The following MLLT3 variants were observed in gnomAD, a reference collection of about 807,000 sequenced individuals.
MLLT3 encodes MLLT3 super elongation complex subunit, also known as protein AF-9.
MLLT3 carries 4 observed loss-of-function variants against 53.2 expected under a neutral mutation model. The observed-to-expected ratio is 0.08, with a 90% CI of 0.04 to 0.17. The LOEUF (loss-of-function observed/expected upper bound fraction) is 0.17. Ranked by LOEUF, MLLT3 falls within the 10% of genes least tolerant of loss-of-function variation. The pLI, the probability that MLLT3 is intolerant of heterozygous loss-of-function variation, is 1.00. For synonymous variants in MLLT3, 283 were observed against 230.6 expected, an observed-to-expected ratio of 1.23 and a Z score of -2.06; for missense variants, 569 against 684.0, an observed-to-expected ratio of 0.83 and a Z score of 1.87.
intron 2 of MLLT3, chr9:20,532,706 C>T (rs1011668333): frequency 5.4e-5 from 14 of 258,310 alleles, no homozygotes; most frequent in Non-Finnish European, 9.7e-5. Context: ...AGGGACTTAA[C>T]TCGCTTTGTG....
intron 2 of MLLT3, among the ~76,000 whole-genome samples, chr9:20,544,562 C>T (rs1339279886): frequency 6.6e-6 from 1 of 152,110 alleles, no homozygotes; most frequent in East Asian, 1.9e-4. Flanking sequence ...AGGATGGCCA[C>T]TACTGAAAAA....
In MLLT3 at chr9:20,363,224, TTCCAAG is replaced by T. The variant is rs1240369519; in HGVS notation, c.1331+246_1331+251del. The T allele has an allele frequency of 1.1e-5, 4 of 375,766 alleles. No homozygotes were observed. In the East Asian group the frequency reaches 1.3e-4, roughly 12 times the overall value. 23.3% of individuals were successfully genotyped at this position (375,766 alleles called of 1,614,324 possible). On this transcript the variant is annotated intron_variant, in intron 7 of 10. Coordinates refer to ENST00000380338, the MANE Select transcript of MLLT3 (RefSeq NM_004529.4). ...GTCAGTCCTGCCACTTGGCATACTT[TTCCAAG>T]GACAAGGACATCTAATGTGACTTTT...
chr9:20,571,268 A>T (rs1819525743), intron 2 of MLLT3, among the ~76,000 whole-genome samples: 1 of 152,212 alleles, frequency 6.6e-6, no homozygotes, highest in Non-Finnish European at 1.5e-5. Flanking sequence ...GATTGCCTCA[A>T]ACTAAACTTC....
rs1279073657 is a variant in MLLT3 at position 20,620,290 on chromosome 9, C to T, written c.193+364G>A. On this transcript the variant is annotated intron_variant, in intron 2 of 10. Coordinates refer to ENST00000380338, the MANE Select transcript of MLLT3 (RefSeq NM_004529.4). The surrounding 1 kb of genome is among the most constrained non-coding windows in gnomAD (Gnocchi z 6.1). ...ACACACACACACACACACACACACA[C>T]ACACGCGCAAAGTGTTTATTCCCTC... 2.0e-5 allele frequency among the ~76,000 whole-genome samples: 3 copies of T among 147,718 alleles called. No homozygotes were observed. Among genetic ancestry groups the T allele is most frequent in the African/African-American group, 7.9e-5 (3 of 38,178 alleles).
At chr9:20,594,316 C>T (rs76423292) in intron 2 of MLLT3, among the ~76,000 whole-genome samples, 3,799 of 152,174 alleles carry the variant, frequency 0.025, 57 homozygotes, top group Middle Eastern at 0.054. Context: ...TATGAGTGCT[C>T]CTCGACATAC....
chr9:20,613,949 C>A (rs1016003572), intron 2 of MLLT3, among the ~76,000 whole-genome samples: 1 of 152,156 alleles, frequency 6.6e-6, no homozygotes, highest in African/African-American at 2.4e-5. Context: ...ATGTCCACCA[C>A]AGCACTATTC....
chr9:20,411,997 A>G (rs1253040032), intron 5 of MLLT3: 1 of 152,172 alleles, frequency 6.6e-6, no homozygotes, highest in Non-Finnish European at 1.5e-5. Context: ...TTACTTACCC[A>G]TACTAATTAT....
intron 2 of MLLT3, among the ~76,000 whole-genome samples, chr9:20,565,988 T>TATA (rs1563820690): frequency 1.4e-5 from 1 of 69,442 alleles, no homozygotes; most frequent in South Asian, 4.8e-4. Context: ...ATATATTTAT[T>TATA]TATATATTTA....
chr9:20,527,125 T>A (rs1386607323), intron 2 of MLLT3, among the ~76,000 whole-genome samples: 1 of 152,168 alleles, frequency 6.6e-6, no homozygotes, highest in Non-Finnish European at 1.5e-5. Context: ...GGTAAGGTTA[T>A]GTAACCAGCC....
chr9:20,357,735 G>C (rs962968619), intron 8 of MLLT3, among the ~76,000 whole-genome samples: 15 of 152,110 alleles, frequency 9.9e-5, no homozygotes, highest in Non-Finnish European at 2.9e-5. Context: ...TCTAGTCCCT[G>C]GAAGATTTGA....
chr9:20,493,749 A>G (rs1825010792), intron 2 of MLLT3, among the ~76,000 whole-genome samples: 1 of 152,124 alleles, frequency 6.6e-6, no homozygotes, highest in Admixed American at 6.6e-5. Flanking sequence ...GAAAAATAGG[A>G]TAATTACAAT....
intron 7 of MLLT3, chr9:20,362,706 C>CTTTTTTTT (rs989895694): frequency 2.5e-4 from 25 of 99,668 alleles, no homozygotes; most frequent in East Asian, 6.5e-4. Context: ...GTTAAGACCG[C>CTTTTTTTT]TTTTTTTTTT....
Position 20,528,784 on chromosome 9 carries a change from C to T in MLLT3, c.194-71998G>A, listed in dbSNP as rs189871211. Reference sequence around the variant, plus strand: ...CAAGATCCTTAATTTACCGCATCTGCAAGGATCCTTTTTCCAATAAGGTAA... The same window carrying T: ...CAAGATCCTTAATTTACCGCATCTGTAAGGATCCTTTTTCCAATAAGGTAA... On this transcript the variant is annotated intron_variant, in intron 2 of 10. Coordinates refer to ENST00000380338, the MANE Select transcript of MLLT3 (RefSeq NM_004529.4). Among the ~76,000 whole-genome samples the T allele has an allele frequency of 1.5e-3, 223 of 152,288 alleles. 2 individuals are homozygous for T. The highest frequency in any genetic ancestry group is 6.8e-3 in the Middle Eastern group (2 of 294).
chr9:20,465,969 C>G (rs188320718), intron 2 of MLLT3, among the ~76,000 whole-genome samples: 23 of 152,224 alleles, frequency 1.5e-4, no homozygotes, highest in African/African-American at 5.3e-4. Flanking sequence ...AGTTTCTCCA[C>G]TTTTCTCAAG....
At chr9:20,413,046 C>T (rs1306735452) in intron 5 of MLLT3, among the ~76,000 whole-genome samples, 2 of 152,142 alleles carry the variant, frequency 1.3e-5, no homozygotes, top group African/African-American at 2.4e-5. Context: ...TTAGCAAAAA[C>T]TTGTAGTGAA....
intron 5 of MLLT3, among the ~76,000 whole-genome samples, chr9:20,406,431 T>C (rs1020236648): frequency 3.4e-4 from 52 of 152,214 alleles, no homozygotes; most frequent in Non-Finnish European, 5.7e-4. Context: ...ATTAGAGTAA[T>C]GAAAGAATAT....
At chr9:20,548,774 G>A (rs955918450) in intron 2 of MLLT3, among the ~76,000 whole-genome samples, 8 of 151,936 alleles carry the variant, frequency 5.3e-5, no homozygotes, top group African/African-American at 1.9e-4. Context: ...AATATTTGTT[G>A]GGAATTTGAA....
intron 2 of MLLT3, among the ~76,000 whole-genome samples, chr9:20,591,301 T>C (rs1239567756): frequency 6.6e-6 from 1 of 152,136 alleles, no homozygotes; most frequent in Non-Finnish European, 1.5e-5. Flanking sequence ...GGGGGTGCAT[T>C]TAAAAATTCA....
chr9:20,363,332 A>G (rs1447441846), intron 7 of MLLT3, 144 bp downstream of exon 7: 1 of 910,332 alleles, frequency 1.1e-6, no homozygotes, highest in Non-Finnish European at 1.7e-6. Flanking sequence ...GTGTGTAGGC[A>G]TACCAAGGAG....
Sources: gnomAD v4.1 joint callset for allele counts (sites outside exome capture counted in the v4.1 genomes callset) on GRCh38, gnomAD v4.1.1 for gene constraint, Gnocchi (gnomAD v3.1) non-coding constraint, MANE v1.5 for transcripts, NCBI Gene and HGNC (gene_info 2026-07-23, HGNC 2026-07-21) for gene names.